Variants in E2F7 observed in about 807,000 individuals in gnomAD.
E2F7 encodes E2F transcription factor 7.
A neutral mutation model predicts 81.1 loss-of-function variants in E2F7; 35 were observed. The ratio of observed to expected loss-of-function variants is 0.43; its 90% CI spans 0.33 to 0.57. The LOEUF (loss-of-function observed/expected upper bound fraction) is 0.57, where lower values mean the gene tolerates loss of function less well. E2F7 is among the 20% of genes least tolerant of loss of function. The probability of loss-of-function intolerance (pLI) is 0.04; values close to 1 mark genes in which losing one functional copy is unlikely to be tolerated. For missense variants in E2F7, 961 were observed against 1,093.7 expected (o/e 0.88, Z 1.71); for synonymous variants, 416 against 416.2 (o/e 1.00, Z 0.01).
chr12:77,029,975 G>A lies in E2F7; in HGVS notation c.1740C>T (p.Ala580=). 1 of 1,614,180 alleles carries A rather than the reference G, an allele frequency of 6.2e-7. No individual in the cohort carries two copies. Among genetic ancestry groups the A allele is most frequent in the Non-Finnish European group, 8.5e-7 (1 of 1,180,040 alleles). The change falls in exon 10 of 13, where the codon GCC becomes GCT. Residue 580 remains alanine, a synonymous_variant. Coordinates refer to ENST00000322886, the MANE Select transcript of E2F7 (RefSeq NM_203394.3). ...GSERDDRSSE[A]PATVELSSAP... is the part of the protein sequence containing the mutation. ...CAGATGACAGCTCTACTGTGGCTGG[G>A]GCTTCTGAGCTTCTGTCATCCCTCT...
At position 77,034,060 on chromosome 12, in the gene E2F7, T is replaced by C. The variant is rs1954828936; in HGVS notation, c.1124-18A>G. 4 of 1,603,270 alleles carry C rather than the reference T, an allele frequency of 2.5e-6. No individual in the cohort carries two copies. Among genetic ancestry groups the C allele is most frequent in the Non-Finnish European group, 3.4e-6 (4 of 1,174,754 alleles). On this transcript the variant is annotated intron_variant, in intron 7 of 12. Transcript: ENST00000322886. ...TTCTTCATCTACATAAACGAGAGAA[T>C]TGGTAGTGTTGTTATACAGCTGTAA... is the stretch of plus-strand genomic sequence containing the variant.
chr12:77,041,273 C>T (rs1378939750), intron 7 of E2F7, among the ~76,000 whole-genome samples: 1 of 152,160 alleles, frequency 6.6e-6, no homozygotes, highest in South Asian at 2.1e-4. Flanking sequence ...CTCACTGCAA[C>T]CTCCGCCTCC....
intron 6 of E2F7, 44 bp from the exon 7 acceptor site, chr12:77,043,243 C>T: frequency 6.2e-7 from 1 of 1,610,598 alleles, no homozygotes; most frequent in South Asian, 1.1e-5. Flanking sequence ...GCCTGTGACA[C>T]CATGACAGTT....
Position 77,034,244 on chromosome 12 carries a change from G to T in E2F7, c.1124-202C>A, listed in dbSNP as rs145245603. On this transcript the variant is annotated intron_variant, in intron 7 of 12. Transcript: ENST00000322886. ...ATGTACTTTTTTTTTTAAGTTAGTG[G>T]ATGACTATAAAATGAGATTGAATCC... Among the ~76,000 whole-genome samples the T allele has an allele frequency of 3.5e-3, 534 of 152,036 alleles. 3 individuals carry two copies. The highest frequency in any genetic ancestry group is 0.012 in the African/African-American group (516 of 41,458).
In E2F7 at chr12:77,055,843, C is replaced by T; in HGVS notation, c.369+12G>A. The T allele has an allele frequency of 6.3e-7, 1 of 1,575,716 alleles. No homozygotes were observed. The highest frequency in any genetic ancestry group is 8.6e-7 in the Non-Finnish European group (1 of 1,163,276). ...AGTTCTAAAAAATCCCTGAGGAGCA[C>T]AGTCTGTTTACCTGTAGAGAATCTG... On this transcript the variant is annotated intron_variant, in intron 3 of 12. Transcript: ENST00000322886.
At chr12:77,059,347 G>A (rs1955059915) in intron 2 of E2F7, among the ~76,000 whole-genome samples, 1 of 152,182 alleles carries the variant, frequency 6.6e-6, no homozygotes, top group African/African-American at 2.4e-5. Flanking sequence ...ATACGGCTGT[G>A]GAAAGGGCAC....
chr12:77,043,450 G>A (rs1292584537), intron 6 of E2F7, among the ~76,000 whole-genome samples: 1 of 151,988 alleles, frequency 6.6e-6, no homozygotes, highest in Non-Finnish European at 1.5e-5. Context: ...GGCACCTGGC[G>A]ACAAACAGGG....
chr12:77,037,893 C>G (rs575392545), intron 7 of E2F7, among the ~76,000 whole-genome samples: 1 of 152,190 alleles, frequency 6.6e-6, no homozygotes, highest in Admixed American at 6.5e-5. Flanking sequence ...AAAAATTCAA[C>G]TATATACTGC....
At chr12:77,046,411 G>T in intron 4 of E2F7, 83 bp from the exon 5 acceptor site, 1 of 1,446,102 alleles carries the variant, frequency 6.9e-7, no homozygotes, top group Non-Finnish European at 9.3e-7. Flanking sequence ...GACTATATCT[G>T]TGAACTACTT....
At chr12:77,059,947 C>T (rs1387059938) in intron 2 of E2F7, among the ~76,000 whole-genome samples, 2 of 127,718 alleles carry the variant, frequency 1.6e-5, no homozygotes, top group African/African-American at 3.0e-5. Flanking sequence ...TGGGTGACAG[C>T]GAGATTCTGT....
chr12:77,056,471 T>C (rs1303475065), intron 2 of E2F7, among the ~76,000 whole-genome samples: 1 of 152,226 alleles, frequency 6.6e-6, no homozygotes, highest in African/African-American at 2.4e-5. Context: ...TGTCACCTTT[T>C]TTAAAACACT....
At chr12:77,044,053 C>T (rs990399764) in intron 6 of E2F7, among the ~76,000 whole-genome samples, 2 of 152,160 alleles carry the variant, frequency 1.3e-5, no homozygotes, top group Admixed American at 1.3e-4. Context: ...ACTGTAATTT[C>T]AGCTGGAAAC....
intron 10 of E2F7, 61 bp from the exon 11 acceptor site, chr12:77,028,199 T>C: frequency 1.8e-5 from 10 of 553,042 alleles, no homozygotes; most frequent in Non-Finnish European, 2.3e-5. Flanking sequence ...TAAATCTCTC[T>C]TTTTTTTTTT....
chr12:77,063,931 A>G (rs2120770385), intron 2 of E2F7, among the ~76,000 whole-genome samples: 1 of 152,360 alleles, frequency 6.6e-6, no homozygotes, highest in East Asian at 1.9e-4. Flanking sequence ...TGTTATGGCC[A>G]GTTTACTTTG....
intron 3 of E2F7, among the ~76,000 whole-genome samples, chr12:77,051,053 C>T (rs578197068): frequency 1.3e-5 from 2 of 152,284 alleles, no homozygotes; most frequent in African/African-American, 4.8e-5. Context: ...GTGGAATCAG[C>T]ATCACCAAGA....
rs538843092 is a variant in E2F7 at position 77,044,577 on chromosome 12, T to C, written c.988+60A>G. 94 of 1,560,238 alleles carry C rather than the reference T, an allele frequency of 6.0e-5. 3 individuals are homozygous for C. In the South Asian group the frequency reaches 9.9e-4, roughly 16 times the overall value. On this transcript the variant is annotated intron_variant, in intron 6 of 12. Coordinates refer to ENST00000322886, the MANE Select transcript of E2F7 (RefSeq NM_203394.3). ...TTTTTAATCTTGGAAGCAGAAAATA[T>C]CAACACATGAAATCCCACCCTTTAT... is the stretch of plus-strand genomic sequence containing the variant.
chr12:77,043,409 C>T (rs950325169), intron 6 of E2F7, among the ~76,000 whole-genome samples: 2 of 152,038 alleles, frequency 1.3e-5, no homozygotes, highest in African/African-American at 2.4e-5. Context: ...GTGTGTCCTT[C>T]CATTTCCACA....
chr12:77,053,458 G>C (rs974647307), intron 3 of E2F7, among the ~76,000 whole-genome samples: 2 of 152,180 alleles, frequency 1.3e-5, no homozygotes, highest in African/African-American at 4.8e-5. Flanking sequence ...ACACTTGGGA[G>C]AGAATGGGAG....
At chr12:77,025,426 AG>A in intron 12 of E2F7, 131 bp downstream of exon 12, 1 of 939,964 alleles carries the variant, frequency 1.1e-6, no homozygotes, top group Non-Finnish European at 1.6e-6. Flanking sequence ...AGATAACTCT[AG>A]GTCTACAACG....
Sources: gnomAD v4.1 joint callset for allele counts (sites outside exome capture counted in the v4.1 genomes callset) on GRCh38, gnomAD v4.1.1 for gene constraint, MANE v1.5 for transcripts, NCBI Gene and HGNC (gene_info 2026-07-23, HGNC 2026-07-21) for gene names.